KCND3: variants seen among roughly 807,000 people sequenced by gnomAD.
The protein encoded by KCND3 is potassium voltage-gated channel subfamily D member 3.
KCND3 carries 9 observed loss-of-function variants against 51.1 expected under a neutral mutation model. The observed-to-expected ratio is 0.18, with a 90% confidence interval of 0.11 to 0.31. The LOEUF (loss-of-function observed/expected upper bound fraction) is 0.31, where lower values mean the gene tolerates loss of function less well. KCND3 is among the 10% of genes least tolerant of loss of function. The probability of loss-of-function intolerance (pLI) is 1.00; values close to 1 mark genes in which losing one functional copy is unlikely to be tolerated. For missense variants in KCND3, 526 were observed against 903.8 expected, an observed-to-expected ratio of 0.58 and a Z score of 5.36; for synonymous variants, 349 against 368.0, an observed-to-expected ratio of 0.95 and a Z score of 0.59.
intron 2 of KCND3, among the ~76,000 whole-genome samples, chr1:111,964,328 G>A (rs1011329866): frequency 1.1e-4 from 17 of 152,202 alleles, no homozygotes; most frequent in South Asian, 2.1e-4. Context: ...GCTGAAGCCC[G>A]GGATGCTAAA....
chr1:111,985,681 A>G (rs1675236590), intron 1 of KCND3, among the ~76,000 whole-genome samples: 1 of 152,200 alleles, frequency 6.6e-6, no homozygotes, highest in Non-Finnish European at 1.5e-5. Flanking sequence ...AATCAGAAGA[A>G]TCCAATTCAA....
chr1:111,961,092 C>A (rs147605499), intron 2 of KCND3, among the ~76,000 whole-genome samples: 2 of 152,144 alleles, frequency 1.3e-5, no homozygotes, highest in Non-Finnish European at 2.9e-5. Context: ...TCCAGGGACC[C>A]GGGCTACAGC....
At chr1:111,975,621 G>A (rs1176687222) in intron 2 of KCND3, among the ~76,000 whole-genome samples, 1 of 152,160 alleles carries the variant, frequency 6.6e-6, no homozygotes, top group African/African-American at 2.4e-5. Flanking sequence ...ATGCAAGTCA[G>A]TGGCTCAAAA....
intron 2 of KCND3, among the ~76,000 whole-genome samples, chr1:111,972,642 A>G (rs1674406030): frequency 6.6e-6 from 1 of 152,226 alleles, no homozygotes; most frequent in Non-Finnish European, 1.5e-5. Context: ...TCATTCATCA[A>G]CAAATGTTTA....
At chr1:111,924,089 A>G (rs757548058) in intron 2 of KCND3, among the ~76,000 whole-genome samples, 6 of 152,240 alleles carry the variant, frequency 3.9e-5, no homozygotes, top group Middle Eastern at 3.2e-3. Context: ...CACAGGCCAC[A>G]GAGAGTTGTG....
Position 111,931,564 on chromosome 1 carries a change from T to C in KCND3, c.1106+50057A>G, listed in dbSNP as rs1439813198. Reference sequence around the variant, plus strand: ...CCTAGCATATCATTTACAGGCTGCGTGTGATTTTGAATAAGTTGCTTAACC... The same window carrying C: ...CCTAGCATATCATTTACAGGCTGCGCGTGATTTTGAATAAGTTGCTTAACC... On this transcript the variant is annotated intron_variant, in intron 2 of 7. Transcript: ENST00000302127. Among the ~76,000 whole-genome samples the C allele has an allele frequency of 2.0e-5, 3 of 152,174 alleles. No homozygotes were observed. The South Asian group carries it at 6.2e-4, about 32-fold the overall frequency.
At chr1:111,971,446 G>A (rs1674324416) in intron 2 of KCND3, among the ~76,000 whole-genome samples, 1 of 152,168 alleles carries the variant, frequency 6.6e-6, no homozygotes. Flanking sequence ...CCAAGCTTCA[G>A]CAAAGCTGTT....
rs572956516 is a variant in KCND3, at chr1:111,823,533, T to C, written c.1107-36427A>G. Among the ~76,000 whole-genome samples, 4 of 152,340 alleles carry C rather than the reference T, an allele frequency of 2.6e-5. No homozygotes were observed. The East Asian group carries it at 7.7e-4, about 29-fold the overall frequency. ...TTTTGAGCTTTAGTTCTTTTTTTAA[T>C]GATGCTGGTTTTACACTGTCCAATC... On this transcript the variant is annotated intron_variant, in intron 2 of 7. Transcript: ENST00000302127.
intron 2 of KCND3, among the ~76,000 whole-genome samples, chr1:111,965,065 C>T (rs1006439685): frequency 4.6e-5 from 7 of 151,340 alleles, no homozygotes; most frequent in South Asian, 2.1e-4. Context: ...TGCTGCACCC[C>T]CCCAAACTGC....
intron 2 of KCND3, among the ~76,000 whole-genome samples, chr1:111,881,684 T>C (rs577964537): frequency 6.6e-6 from 1 of 152,254 alleles, no homozygotes; most frequent in African/African-American, 2.4e-5. Flanking sequence ...TGGAAGTCAG[T>C]TCATTCTGCA....
chr1:111,852,058 A>C (rs1207336724), intron 2 of KCND3, among the ~76,000 whole-genome samples: 1 of 152,224 alleles, frequency 6.6e-6, no homozygotes, highest in Non-Finnish European at 1.5e-5. Context: ...TACGTGGGTC[A>C]CAGGCTCAGG....
chr1:111,940,073 GTTTTTTTTTT>G (rs61088602), intron 2 of KCND3, among the ~76,000 whole-genome samples: 20 of 85,472 alleles, frequency 2.3e-4, no homozygotes, highest in Admixed American at 8.1e-4. Context: ...CTTTTTGATG[GTTTTTTTTTT>G]TTTTTTTTTT....
intron 2 of KCND3, among the ~76,000 whole-genome samples, chr1:111,959,452 G>A (rs1673517482): frequency 1.3e-5 from 2 of 152,116 alleles, no homozygotes; most frequent in South Asian, 2.1e-4. Flanking sequence ...CAGGAAGCTC[G>A]CCCCATCCAC....
At chr1:111,959,887 G>A (rs896808194) in intron 2 of KCND3, among the ~76,000 whole-genome samples, 4 of 152,080 alleles carry the variant, frequency 2.6e-5, no homozygotes, top group African/African-American at 4.8e-5. Context: ...TTGTGAGAGC[G>A]ACCTGGTGGA....
intron 7 of KCND3, among the ~76,000 whole-genome samples, 162 bp from the exon 8 acceptor site, chr1:111,776,440 A>T (rs1664118336): frequency 6.6e-6 from 1 of 152,188 alleles, no homozygotes; most frequent in African/African-American, 2.4e-5. Flanking sequence ...TCTAATTATT[A>T]TTCCCAAACT....
At chr1:111,830,764 A>G (rs1180076879) in intron 2 of KCND3, among the ~76,000 whole-genome samples, 3 of 152,268 alleles carry the variant, frequency 2.0e-5, no homozygotes, top group South Asian at 2.1e-4. Context: ...AATTTTGGAA[A>G]TATATTTTCC....
intron 2 of KCND3, among the ~76,000 whole-genome samples, chr1:111,906,648 C>CT (rs1382001890): frequency 6.6e-6 from 1 of 152,176 alleles, no homozygotes; most frequent in Non-Finnish European, 1.5e-5. Context: ...TTTCACCTTG[C>CT]TTTTCCTCTC....
At chr1:111,874,197 C>T (rs1197760138) in intron 2 of KCND3, among the ~76,000 whole-genome samples, 1 of 152,180 alleles carries the variant, frequency 6.6e-6, no homozygotes, top group African/African-American at 2.4e-5. Flanking sequence ...TATCCCACTA[C>T]ACATTGGAAG....
intron 2 of KCND3, among the ~76,000 whole-genome samples, chr1:111,873,220 G>A (rs1668904642): frequency 6.6e-6 from 1 of 152,196 alleles, no homozygotes; most frequent in Non-Finnish European, 1.5e-5. Context: ...CCTCTTCCAG[G>A]AGCTGTGTGC....
Sources: gnomAD v4.1 joint callset for allele counts (sites outside exome capture counted in the v4.1 genomes callset) on GRCh38, gnomAD v4.1.1 for gene constraint, MANE v1.5 for transcripts, NCBI Gene and HGNC (gene_info 2026-07-23, HGNC 2026-07-21) for gene names.